Variants in INPP4B observed in about 807,000 individuals in gnomAD.
INPP4B encodes inositol polyphosphate 4-phosphatase type II.
In INPP4B, 55 loss-of-function variants were observed where a neutral mutation model predicts 122.5. That is an observed-to-expected ratio of 0.45 (90% CI 0.36 to 0.56). The LOEUF (loss-of-function observed/expected upper bound fraction) is 0.56. Among genes scored for constraint, INPP4B ranks in the 20% least tolerant of loss-of-function variants. The pLI, the probability that INPP4B is intolerant of heterozygous loss-of-function variation, is 0.00. For synonymous variants in INPP4B, 403 were observed against 388.7 expected (o/e 1.04, Z -0.43); for missense variants, 1,000 against 1,097.7 (o/e 0.91, Z 1.26).
intron 15 of INPP4B, among the ~76,000 whole-genome samples, chr4:142,180,062 C>A (rs1438027484): frequency 6.6e-6 from 1 of 152,088 alleles, no homozygotes; most frequent in African/African-American, 2.4e-5. Flanking sequence ...AAATCATACC[C>A]CAATACTCTG....
chr4:142,282,887 A>G (rs1402663307), intron 9 of INPP4B, among the ~76,000 whole-genome samples: 2 of 152,108 alleles, frequency 1.3e-5, no homozygotes, highest in Non-Finnish European at 2.9e-5. Flanking sequence ...ACATCTTAGC[A>G]TTCTGATTAC....
chr4:142,254,605 C>T (rs367922423), intron 11 of INPP4B, among the ~76,000 whole-genome samples: 11 of 151,780 alleles, frequency 7.2e-5, no homozygotes, highest in South Asian at 2.1e-4. Context: ...AGGGTATCAG[C>T]GATGGAAGAT....
At chr4:142,343,536 C>A (rs149364296) in intron 7 of INPP4B, among the ~76,000 whole-genome samples, 2 of 151,382 alleles carry the variant, frequency 1.3e-5, no homozygotes, top group South Asian at 4.2e-4. Context: ...TTAAATTGGT[C>A]TTTTACCAAA....
At chr4:142,040,872 A>G (rs1747024176) in intron 25 of INPP4B, among the ~76,000 whole-genome samples, 1 of 152,188 alleles carries the variant, frequency 6.6e-6, no homozygotes, top group South Asian at 2.1e-4. Flanking sequence ...AGTCTGGGAT[A>G]ACTTTAATTC....
chr4:142,305,544 A>ATAC lies in INPP4B; in HGVS notation c.424-8_424-7insGTA. ...CATAGCCCAAGAAACTTCGCTGAAA[A>ATAC]TAACAGAAAGAATGGTTTCATTAAC... On this transcript the variant is annotated splice_region_variant and splice_polypyrimidine_tract_variant and intron_variant, in intron 8 of 25. Transcript: ENST00000262992. The ATAC allele has an allele frequency of 6.2e-7, 1 of 1,609,128 alleles. No individual in the cohort carries two copies.
intron 23 of INPP4B, among the ~76,000 whole-genome samples, chr4:142,093,888 C>T (rs905751682): frequency 2.3e-5 from 2 of 86,544 alleles, no homozygotes; most frequent in African/African-American, 5.8e-5. Flanking sequence ...TCACCCATAG[C>T]AAAAGGAAAA....
intron 2 of INPP4B, among the ~76,000 whole-genome samples, chr4:142,605,140 C>A (rs1405310145): frequency 6.6e-6 from 1 of 151,756 alleles, no homozygotes; most frequent in African/African-American, 2.4e-5. Flanking sequence ...AGACTGACTC[C>A]AAATAAACAA....
At chr4:142,542,500 A>C (rs989321196) in intron 2 of INPP4B, among the ~76,000 whole-genome samples, 2 of 152,186 alleles carry the variant, frequency 1.3e-5, no homozygotes, top group Non-Finnish European at 2.9e-5. Flanking sequence ...ACAACATTTA[A>C]ATTTCTGCTA....
chr4:142,518,882 C>T (rs1221848282), intron 2 of INPP4B: 2 of 152,214 alleles, frequency 1.3e-5, no homozygotes, highest in East Asian at 1.9e-4. Context: ...TCCACTGTAA[C>T]CCTATGAGAG....
intron 2 of INPP4B, among the ~76,000 whole-genome samples, chr4:142,513,490 C>G (rs565046436): frequency 1.1e-4 from 17 of 152,238 alleles, no homozygotes; most frequent in African/African-American, 4.1e-4. Context: ...TCACTGCAAC[C>G]TCCACCTCCT....
chr4:142,472,598 T>C (rs1236095891), intron 2 of INPP4B, among the ~76,000 whole-genome samples: 1 of 152,188 alleles, frequency 6.6e-6, no homozygotes, highest in Non-Finnish European at 1.5e-5. Flanking sequence ...CCAATACCAG[T>C]GCCTCAGAAT....
At chr4:142,305,584 T>A (rs955766775) in intron 8 of INPP4B, 47 bp from the exon 9 acceptor site, 5 of 1,574,798 alleles carry the variant, frequency 3.2e-6, no homozygotes, top group Non-Finnish European at 4.3e-6. Flanking sequence ...GGTTCTTTAA[T>A]ATTTTTGCTG....
At chr4:142,782,840 G>A (rs1775095779) in intron 1 of INPP4B, among the ~76,000 whole-genome samples, 1 of 152,100 alleles carries the variant, frequency 6.6e-6, no homozygotes, top group Non-Finnish European at 1.5e-5. Flanking sequence ...GAACAGAACA[G>A]AGCCCTCAGA....
chr4:142,371,693 C>G (rs754938775), intron 7 of INPP4B, among the ~76,000 whole-genome samples: 1 of 151,842 alleles, frequency 6.6e-6, no homozygotes. Context: ...CTCAACATCC[C>G]TAATTATTAG....
intron 1 of INPP4B, among the ~76,000 whole-genome samples, chr4:142,792,585 G>C (rs1305171594): frequency 1.3e-5 from 2 of 151,900 alleles, no homozygotes; most frequent in Non-Finnish European, 1.5e-5. Context: ...AGTCTAAACA[G>C]GGACACTAAT....
chr4:142,582,750 G>T (rs888774145), intron 2 of INPP4B, among the ~76,000 whole-genome samples: 5 of 152,094 alleles, frequency 3.3e-5, no homozygotes, highest in Non-Finnish European at 7.4e-5. Context: ...TCCCCATCTG[G>T]CATTTTCCAC....
chr4:142,178,304 A>G (rs1829254587), intron 15 of INPP4B, among the ~76,000 whole-genome samples: 1 of 152,108 alleles, frequency 6.6e-6, no homozygotes, highest in African/African-American at 2.4e-5. Context: ...AACCACCCCA[A>G]CATTTCTACC....
At chr4:142,327,810 A>G (rs1772983898) in intron 7 of INPP4B, among the ~76,000 whole-genome samples, 1 of 152,212 alleles carries the variant, frequency 6.6e-6, no homozygotes. Flanking sequence ...CAACCTGTAA[A>G]ATAAATAATA....
chr4:142,588,807 G>T (rs1736803680), intron 2 of INPP4B, among the ~76,000 whole-genome samples: 1 of 151,656 alleles, frequency 6.6e-6, no homozygotes, highest in Admixed American at 6.6e-5. Flanking sequence ...AAAAATCTCA[G>T]CAATTAATTT....
Sources: allele counts gnomAD v4.1 joint callset (sites outside exome capture counted in the v4.1 genomes callset), GRCh38; gene constraint gnomAD v4.1.1; transcripts MANE v1.5; gene names NCBI Gene and HGNC (gene_info 2026-07-23, HGNC 2026-07-21).